SMG6: variants seen among roughly 807,000 people sequenced by gnomAD.
The protein encoded by SMG6 is telomerase-binding protein EST1A.
SMG6 carries 66 observed loss-of-function variants against 142.2 expected under a neutral mutation model. That is an observed-to-expected ratio of 0.46 (90% CI 0.38 to 0.57). The LOEUF is 0.57. Ranked by LOEUF, SMG6 falls within the 20% of genes least tolerant of loss-of-function variation. The pLI, the probability that SMG6 is intolerant of heterozygous loss-of-function variation, is 0.00. For missense variants in SMG6, 1,793 were observed against 1,832.0 expected, an observed-to-expected ratio of 0.98 and a Z score of 0.39; for synonymous variants, 779 against 702.4, an observed-to-expected ratio of 1.11 and a Z score of -1.72.
chr17:2,289,906 G>A (rs531626718), intron 6 of SMG6, among the ~76,000 whole-genome samples: 62 of 145,436 alleles, frequency 4.3e-4, no homozygotes, highest in African/African-American at 1.5e-3. Context: ...ACAAAGCGAG[G>A]CTCCATCTCA....
At chr17:2,301,277 A>AC (rs1440496115) in intron 1 of SMG6, among the ~76,000 whole-genome samples, 5 of 152,314 alleles carry the variant, frequency 3.3e-5, no homozygotes, top group African/African-American at 1.2e-4. Flanking sequence ...CAAATAACAT[A>AC]CCTGCTGGTG....
intron 12 of SMG6, among the ~76,000 whole-genome samples, chr17:2,183,119 G>A (rs956271476): frequency 5.9e-5 from 9 of 152,102 alleles, no homozygotes; most frequent in Non-Finnish European, 1.2e-4. Context: ...CCAGCTACTT[G>A]GGAGACTGAG....
intron 4 of SMG6, among the ~76,000 whole-genome samples, chr17:2,293,470 T>G (rs900095027): frequency 6.6e-6 from 1 of 151,654 alleles, no homozygotes; most frequent in African/African-American, 2.4e-5. Context: ...TTCTTTTTTT[T>G]CCCCCCTAAT....
At chr17:2,157,199 G>C (rs1348896974) in intron 13 of SMG6, among the ~76,000 whole-genome samples, 1 of 152,330 alleles carries the variant, frequency 6.6e-6, no homozygotes, top group Non-Finnish European at 1.5e-5. Flanking sequence ...ACTCTGGCAA[G>C]ATTAGGGGCT....
intron 8 of SMG6, among the ~76,000 whole-genome samples, chr17:2,268,036 T>C (rs1285350483): frequency 6.6e-6 from 1 of 152,162 alleles, no homozygotes; most frequent in African/African-American, 2.4e-5. Context: ...CGTGAGCCAC[T>C]GCACCCAGCC....
chr17:2,263,669 G>GA (rs952143533), intron 8 of SMG6, among the ~76,000 whole-genome samples: 2 of 151,766 alleles, frequency 1.3e-5, no homozygotes, highest in African/African-American at 4.8e-5. Flanking sequence ...ATACTAGGGA[G>GA]AAAAAAAAGA....
At chr17:2,217,239 C>T (rs1169540212) in intron 10 of SMG6, among the ~76,000 whole-genome samples, 2 of 151,920 alleles carry the variant, frequency 1.3e-5, no homozygotes, top group Non-Finnish European at 2.9e-5. Context: ...TTACACAATA[C>T]ATTATTACTA....
intron 10 of SMG6, among the ~76,000 whole-genome samples, chr17:2,232,301 C>A (rs1178718604): frequency 6.6e-6 from 1 of 152,182 alleles, no homozygotes; most frequent in Non-Finnish European, 1.5e-5. Flanking sequence ...TCCGGCACCA[C>A]GTCAACCAAT....
intron 13 of SMG6, among the ~76,000 whole-genome samples, chr17:2,116,673 A>C (rs918130751): frequency 6.6e-6 from 1 of 152,046 alleles, no homozygotes; most frequent in African/African-American, 2.4e-5. Flanking sequence ...ACTTGAACCC[A>C]GGAGGTAGAG....
chr17:2,061,680 G>A (rs1279206996), intron 18 of SMG6, 58 bp from the exon 19 acceptor site: 5 of 1,531,506 alleles, frequency 3.3e-6, no homozygotes, highest in Non-Finnish European at 4.4e-6. Flanking sequence ...AGGGCTGGCT[G>A]CTCTTCTCAC....
At chr17:2,130,198 T>TCC (rs2070065089) in intron 13 of SMG6, among the ~76,000 whole-genome samples, 1 of 134,530 alleles carries the variant, frequency 7.4e-6, no homozygotes, top group Non-Finnish European at 1.5e-5. Context: ...AAGCGGAGCT[T>TCC]GCAGTGAGCC....
intron 13 of SMG6, among the ~76,000 whole-genome samples, chr17:2,135,813 T>C (rs759388341): frequency 1.5e-4 from 23 of 151,680 alleles, no homozygotes; most frequent in Admixed American, 6.6e-4. Context: ...CCTTAGCCCC[T>C]TGAGTAGCTG....
intron 13 of SMG6, among the ~76,000 whole-genome samples, chr17:2,163,933 G>T (rs994674749): frequency 1.6e-4 from 24 of 151,906 alleles, no homozygotes; most frequent in African/African-American, 5.3e-4. Context: ...GTGGTGGCAG[G>T]TGCTTGTAGT....
At chr17:2,065,927 AGG>A in intron 16 of SMG6, 1 of 557,730 alleles carries the variant, frequency 1.8e-6, no homozygotes, top group Non-Finnish European at 3.2e-6. Flanking sequence ...AGGAACTTAA[AGG>A]AATCTTCTGG....
chr17:2,232,162 A>T (rs531071025), intron 10 of SMG6, among the ~76,000 whole-genome samples: 5 of 152,240 alleles, frequency 3.3e-5, no homozygotes, highest in Admixed American at 3.3e-4. Flanking sequence ...ATGGGGTTTC[A>T]GTGCTCCCCT....
At position 2,300,337 on chromosome 17, in the gene SMG6, T is replaced by C; in HGVS notation, c.416A>G (p.Lys139Arg). 6.2e-7 allele frequency: 1 copy of C among 1,613,958 alleles called. No homozygotes were observed. Among genetic ancestry groups the C allele is most frequent in the South Asian group, 1.1e-5 (1 of 91,090 alleles). Residue 139 changes from lysine (K) to arginine (R), a missense_variant, in exon 2 of 19, where the codon AAG becomes AGG. Around this residue, in one of 3 missense-constraint regions of SMG6, gnomAD observed 1,597 missense variants for 1,584.6 expected, o/e 1.01. Coordinates refer to ENST00000263073, the MANE Select transcript of SMG6 (RefSeq NM_017575.5). ...DRSLKIIKRTKKPDLQIYQPG... is the reference protein window; with the variant it reads ...DRSLKIIKRTRKPDLQIYQPG... ...CTGATAGATCTGCAGGTCGGGTTTC[T>C]TTGTTCTTTTGATAATTTTTAGACT... is the stretch of plus-strand genomic sequence containing the variant.
At chr17:2,248,333 A>C (rs1162982933) in intron 8 of SMG6, among the ~76,000 whole-genome samples, 3 of 152,156 alleles carry the variant, frequency 2.0e-5, no homozygotes, top group Non-Finnish European at 2.9e-5. Context: ...ACGAGGGAAT[A>C]AGAGCAACTA....
At chr17:2,109,099 T>A (rs1387268147) in intron 13 of SMG6, among the ~76,000 whole-genome samples, 1 of 152,232 alleles carries the variant, frequency 6.6e-6, no homozygotes, top group Non-Finnish European at 1.5e-5. Flanking sequence ...ATAAAGGCTA[T>A]GACATCTATC....
chr17:2,194,171 C>G (rs2072248454), intron 10 of SMG6, among the ~76,000 whole-genome samples: 1 of 152,156 alleles, frequency 6.6e-6, no homozygotes, highest in Non-Finnish European at 1.5e-5. Context: ...ACATGTACTA[C>G]TTGAGGCACG....
Sources: allele counts gnomAD v4.1 joint callset (sites outside exome capture counted in the v4.1 genomes callset), GRCh38; gene constraint gnomAD v4.1.1; regional missense constraint gnomAD v4.1.1; transcripts MANE v1.5; gene names NCBI Gene and HGNC (gene_info 2026-07-23, HGNC 2026-07-21).